The following SUCLG2 variants were observed in gnomAD, a reference collection of about 807,000 sequenced individuals.
The protein encoded by SUCLG2 is succinate-CoA ligase GDP-forming subunit beta.
Under a neutral mutation model 47.9 loss-of-function variants are expected in SUCLG2, and 42 were observed. That is an observed-to-expected ratio of 0.88 (90% CI 0.69 to 1.14). The LOEUF is 1.14. SUCLG2 is among the 50% of genes most tolerant of loss of function. SUCLG2 has a pLI of 0.00. For missense variants in SUCLG2, 571 were observed against 525.9 expected (o/e 1.09, Z -0.84); for synonymous variants, 195 against 197.3 (o/e 0.99, Z 0.10).
Position 67,543,700 on chromosome 3 carries a change from T to C in SUCLG2, c.227-14514A>G, listed in dbSNP as rs571998872. Among the ~76,000 whole-genome samples the C allele has an allele frequency of 2.6e-5, 4 of 152,276 alleles. No individual in the cohort carries two copies. In the South Asian group the frequency reaches 8.3e-4, roughly 32 times the overall value. On this transcript the variant is annotated intron_variant, in intron 2 of 10. Transcript: ENST00000307227. The stretch of plus-strand genomic sequence containing the variant: ...AAATAAATGAGCAACAACCAAACTA[T>C]TAACTGAGGTTACCTTAAGTGGCTA...
intron 10 of SUCLG2, among the ~76,000 whole-genome samples, chr3:67,369,488 A>G (rs1222529313): frequency 6.6e-6 from 1 of 151,618 alleles, no homozygotes; most frequent in Non-Finnish European, 1.5e-5. Context: ...TCAGTTGTCT[A>G]CCTCCCTGAG....
At chr3:67,475,616 T>C (rs956500958) in intron 9 of SUCLG2, among the ~76,000 whole-genome samples, 2 of 152,214 alleles carry the variant, frequency 1.3e-5, no homozygotes, top group African/African-American at 4.8e-5. Context: ...GCATGAAGCA[T>C]TCAGGTGCTA....
At chr3:67,618,774 T>G (rs1162544277) in intron 1 of SUCLG2, among the ~76,000 whole-genome samples, 2 of 152,130 alleles carry the variant, frequency 1.3e-5, no homozygotes, top group Non-Finnish European at 2.9e-5. Flanking sequence ...AGCTGACAAA[T>G]TGGTAATAAT....
At chr3:67,638,243 C>G (rs928837959) in intron 1 of SUCLG2, among the ~76,000 whole-genome samples, 1 of 152,142 alleles carries the variant, frequency 6.6e-6, no homozygotes, top group East Asian at 1.9e-4. Context: ...AATGATAGTA[C>G]CTATGTTACA....
chr3:67,476,665 G>A (rs1656592816), intron 9 of SUCLG2, among the ~76,000 whole-genome samples: 1 of 152,146 alleles, frequency 6.6e-6, no homozygotes, highest in South Asian at 2.1e-4. Context: ...TGTCTTCCAT[G>A]AAACCAGTCC....
chr3:67,414,832 C>G (rs1247304169), intron 9 of SUCLG2, among the ~76,000 whole-genome samples: 2 of 152,128 alleles, frequency 1.3e-5, no homozygotes, highest in African/African-American at 4.8e-5. Flanking sequence ...TTTTCCCACT[C>G]CCTCAAATAA....
At chr3:67,427,508 G>T (rs545015759) in intron 9 of SUCLG2, among the ~76,000 whole-genome samples, 6 of 152,126 alleles carry the variant, frequency 3.9e-5, no homozygotes, top group Non-Finnish European at 8.8e-5. Flanking sequence ...AAGTTAAATA[G>T]GAAGAGGTTC....
intron 9 of SUCLG2, among the ~76,000 whole-genome samples, chr3:67,484,113 C>T (rs2107024595): frequency 6.6e-6 from 1 of 152,364 alleles, no homozygotes; most frequent in African/African-American, 2.4e-5. Flanking sequence ...CCCCTCCCTA[C>T]TGCCACAATC....
At chr3:67,455,992 CAG>C (rs1438377342) in intron 9 of SUCLG2, among the ~76,000 whole-genome samples, 2 of 152,208 alleles carry the variant, frequency 1.3e-5, no homozygotes, top group East Asian at 1.9e-4. Flanking sequence ...AGACCTCAAT[CAG>C]GGGTGATTCA....
intron 2 of SUCLG2, among the ~76,000 whole-genome samples, chr3:67,545,070 GCTAACTCTC>G (rs1559565725): frequency 6.6e-6 from 1 of 152,110 alleles, no homozygotes; most frequent in South Asian, 2.1e-4. Flanking sequence ...AGCCAGGTAA[GCTAACTCTC>G]CTATAAAAGT....
At position 67,556,945 on chromosome 3, in the gene SUCLG2, G is replaced by A. The variant is rs138059402; in HGVS notation, c.227-27759C>T. The stretch of plus-strand genomic sequence containing the variant: ...AGAACAGGCAACATGGGGAGTATGA[G>A]ATAACATAAATCGTAAAGTAGAAAA... On this transcript the variant is annotated intron_variant, in intron 2 of 10. Transcript: ENST00000307227. Among the ~76,000 whole-genome samples the A allele has an allele frequency of 4.6e-3, 696 of 152,294 alleles. 6 individuals are homozygous for A. Among genetic ancestry groups the A allele is most frequent in the African/African-American group, 0.016 (661 of 41,568 alleles).
chr3:67,506,336 C>A (rs184330853), intron 7 of SUCLG2, among the ~76,000 whole-genome samples: 31 of 152,270 alleles, frequency 2.0e-4, no homozygotes, highest in African/African-American at 7.0e-4. Flanking sequence ...CCAACATACT[C>A]ATTTAATTGT....
chr3:67,481,994 C>T (rs1361017930), intron 9 of SUCLG2, among the ~76,000 whole-genome samples: 1 of 152,192 alleles, frequency 6.6e-6, no homozygotes, highest in Non-Finnish European at 1.5e-5. Context: ...GCCTGGCCAA[C>T]AAGGCGAAGC....
At chr3:67,411,832 C>T (rs1013587381) in intron 9 of SUCLG2, among the ~76,000 whole-genome samples, 7 of 152,100 alleles carry the variant, frequency 4.6e-5, no homozygotes, top group African/African-American at 1.7e-4. Context: ...GCATCTCAAA[C>T]TTAAATTCAG....
At chr3:67,402,126 C>T (rs940459426) in intron 9 of SUCLG2, among the ~76,000 whole-genome samples, 10 of 152,136 alleles carry the variant, frequency 6.6e-5, no homozygotes, top group African/African-American at 2.2e-4. Flanking sequence ...GGACCTTGGT[C>T]GAGTTACAGA....
At chr3:67,647,927 G>T (rs1176129873) in intron 1 of SUCLG2, among the ~76,000 whole-genome samples, 3 of 152,214 alleles carry the variant, frequency 2.0e-5, no homozygotes, top group African/African-American at 7.2e-5. Context: ...GACTAATCCT[G>T]AGATGGCAGC....
chr3:67,480,466 A>G (rs1704884772), intron 9 of SUCLG2, among the ~76,000 whole-genome samples: 1 of 152,208 alleles, frequency 6.6e-6, no homozygotes, highest in South Asian at 2.1e-4. Flanking sequence ...TGCTAGTCCA[A>G]CCACACTTTT....
chr3:67,457,751 A>C (rs1704223857), intron 9 of SUCLG2, among the ~76,000 whole-genome samples: 1 of 125,338 alleles, frequency 8.0e-6, no homozygotes, highest in Non-Finnish European at 1.5e-5. Flanking sequence ...TACTATTACT[A>C]CTATACTGCA....
At chr3:67,635,618 T>G (rs898718019) in intron 1 of SUCLG2, among the ~76,000 whole-genome samples, 1 of 152,100 alleles carries the variant, frequency 6.6e-6, no homozygotes, top group Admixed American at 6.5e-5. Flanking sequence ...CCAGGACTCC[T>G]CCTCTCTGAC....
Sources: gnomAD v4.1 joint callset for allele counts (sites outside exome capture counted in the v4.1 genomes callset) on GRCh38, gnomAD v4.1.1 for gene constraint, MANE v1.5 for transcripts, NCBI Gene and HGNC (gene_info 2026-07-23, HGNC 2026-07-21) for gene names.